Variants in SIL1 observed in about 807,000 individuals in gnomAD.
The protein encoded by SIL1 is nucleotide exchange factor SIL1.
In SIL1, 40 loss-of-function variants were observed where a neutral mutation model predicts 49.1. The observed-to-expected ratio is 0.81, with a 90% CI of 0.63 to 1.06. SIL1 has a LOEUF of 1.06. Among genes scored for constraint, SIL1 ranks in the 50% least tolerant of loss-of-function variants. SIL1 has a pLI of 0.00. For synonymous variants in SIL1, 253 were observed against 250.8 expected (o/e 1.01, Z -0.08); for missense variants, 500 against 572.6 (o/e 0.87, Z 1.29).
intron 6 of SIL1, among the ~76,000 whole-genome samples, chr5:139,024,574 A>G (rs1439863584): frequency 3.3e-5 from 5 of 152,210 alleles, no homozygotes; most frequent in Admixed American, 2.0e-4. Flanking sequence ...GCATGGGAGG[A>G]CATTGAGGAT....
chr5:138,958,608 A>G (rs1333550789), intron 7 of SIL1, among the ~76,000 whole-genome samples: 1 of 152,158 alleles, frequency 6.6e-6, no homozygotes, highest in East Asian at 1.9e-4. Flanking sequence ...CTAAAATCTG[A>G]AACTTTTTGG....
intron 1 of SIL1, among the ~76,000 whole-genome samples, chr5:139,149,323 A>G (rs1334801107): frequency 1.3e-5 from 2 of 152,236 alleles, no homozygotes; most frequent in African/African-American, 4.8e-5. Context: ...GTGCTCTACG[A>G]AAAGATGAAT....
At chr5:139,085,833 A>G (rs1272529837) in intron 3 of SIL1, among the ~76,000 whole-genome samples, 1 of 152,190 alleles carries the variant, frequency 6.6e-6, no homozygotes, top group African/African-American at 2.4e-5. Context: ...CGAGCCAGAA[A>G]TCTCTGAGGG....
At chr5:139,001,769 G>C (rs1220555591) in intron 7 of SIL1, among the ~76,000 whole-genome samples, 1 of 152,126 alleles carries the variant, frequency 6.6e-6, no homozygotes, top group African/African-American at 2.4e-5. Flanking sequence ...GCTGGGCGTG[G>C]TGGCGGGCGC....
At chr5:138,997,666 C>T (rs1183228265) in intron 7 of SIL1, among the ~76,000 whole-genome samples, 8 of 152,222 alleles carry the variant, frequency 5.3e-5, no homozygotes, top group Admixed American at 5.2e-4. Context: ...TCAAGCAATT[C>T]TTCCACCTCA....
intron 1 of SIL1, among the ~76,000 whole-genome samples, chr5:139,176,927 CTTTTTTTTTTT>C (rs70982757): frequency 2.1e-5 from 2 of 95,788 alleles, no homozygotes; most frequent in Admixed American, 1.3e-4. Context: ...AGCTGAGATT[CTTTTTTTTTTT>C]TTTTTTTTTT....
At chr5:139,026,217 T>C (rs1450441679) in intron 6 of SIL1, among the ~76,000 whole-genome samples, 1 of 152,176 alleles carries the variant, frequency 6.6e-6, no homozygotes, top group East Asian at 1.9e-4. Context: ...TACTTCCTCT[T>C]CCAGGCTATA....
At chr5:139,021,459 T>A (rs538339530) in intron 6 of SIL1, among the ~76,000 whole-genome samples, 167 bp from the exon 7 acceptor site, 1 of 152,354 alleles carries the variant, frequency 6.6e-6, no homozygotes, top group Non-Finnish European at 1.5e-5. Flanking sequence ...TTTTTAATAC[T>A]CTTAAATTTG....
At chr5:139,150,731 T>C (rs556720909) in intron 1 of SIL1, among the ~76,000 whole-genome samples, 1 of 152,322 alleles carries the variant, frequency 6.6e-6, no homozygotes, top group South Asian at 2.1e-4. Context: ...AGGGAGCCTA[T>C]TCAATAGCAG....
chr5:139,115,636 G>T (rs1437645947), intron 3 of SIL1, among the ~76,000 whole-genome samples: 1 of 152,150 alleles, frequency 6.6e-6, no homozygotes, highest in East Asian at 1.9e-4. Context: ...GAGCATGAGG[G>T]TTGGCGGACA....
chr5:138,979,048 T>TATTTA lies in SIL1; in HGVS notation c.768-27169_768-27165dup, dbSNP rs771913883. ...GATGGTATCCTTTGAAGCACAAGAG[T>TATTTA]ATTTAATTTAATTTAATTTTATTTT... is the stretch of plus-strand genomic sequence containing the variant. On this transcript the variant is annotated intron_variant, in intron 7 of 9. Transcript: ENST00000394817. 1.8e-3 allele frequency among the ~76,000 whole-genome samples: 271 copies of TATTTA among 151,708 alleles called. 1 individual carries two copies. The highest frequency in any genetic ancestry group is 2.9e-3 in the Non-Finnish European group (197 of 67,976).
At chr5:139,178,447 C>G (rs1334826278) in intron 1 of SIL1, among the ~76,000 whole-genome samples, 1 of 152,120 alleles carries the variant, frequency 6.6e-6, no homozygotes, top group Non-Finnish European at 1.5e-5. Context: ...CCACAGCTGA[C>G]AAGGCCTGCC....
chr5:139,090,268 T>C (rs1770314755), intron 3 of SIL1, among the ~76,000 whole-genome samples: 1 of 152,042 alleles, frequency 6.6e-6, no homozygotes, highest in Admixed American at 6.6e-5. Flanking sequence ...ACCTGATGAG[T>C]TCCTGCCACT....
At chr5:139,120,851 T>C (rs1750611893) in intron 3 of SIL1, among the ~76,000 whole-genome samples, 184 bp downstream of exon 3, 1 of 152,122 alleles carries the variant, frequency 6.6e-6, no homozygotes, top group South Asian at 2.1e-4. Context: ...TGCTGCAATC[T>C]CTGTTCTGCT....
At chr5:139,146,823 T>G (rs916868621) in intron 1 of SIL1, among the ~76,000 whole-genome samples, 47 of 152,192 alleles carry the variant, frequency 3.1e-4, no homozygotes, top group Non-Finnish European at 1.0e-4. Flanking sequence ...ACCCGTGAAT[T>G]CTTGGGTAAG....
chr5:139,096,275 G>C (rs942809317), intron 3 of SIL1, among the ~76,000 whole-genome samples: 2 of 152,128 alleles, frequency 1.3e-5, no homozygotes. Flanking sequence ...CACCGATCCC[G>C]GCAGTTTAAA....
intron 3 of SIL1, among the ~76,000 whole-genome samples, chr5:139,065,707 A>G (rs558946229): frequency 1.3e-5 from 2 of 152,088 alleles, no homozygotes; most frequent in East Asian, 3.9e-4. Flanking sequence ...GCTGCCCCCA[A>G]CTGCACCCCC....
At chr5:139,115,318 A>G (rs775468291) in intron 3 of SIL1, among the ~76,000 whole-genome samples, 1 of 152,204 alleles carries the variant, frequency 6.6e-6, no homozygotes, top group Non-Finnish European at 1.5e-5. Context: ...TTTTTGAGCC[A>G]TAAGAGTGTA....
intron 5 of SIL1, 85 bp from the exon 6 acceptor site, chr5:139,027,077 A>C (rs1260873890): frequency 4.7e-6 from 6 of 1,266,154 alleles, no homozygotes; most frequent in Non-Finnish European, 6.8e-6. Context: ...GCCCATCCTC[A>C]AAAAACTGCT....
Sources: gnomAD v4.1 joint callset for allele counts (sites outside exome capture counted in the v4.1 genomes callset) on GRCh38, gnomAD v4.1.1 for gene constraint, MANE v1.5 for transcripts, NCBI Gene and HGNC (gene_info 2026-07-23, HGNC 2026-07-21) for gene names.